PRR14L: variants seen among roughly 807,000 people sequenced by gnomAD.
PRR14L encodes the protein protein PRR14L.
In PRR14L, 80 loss-of-function variants were observed where a neutral mutation model predicts 155.0. That is an observed-to-expected ratio of 0.52 (90% CI 0.43 to 0.62). PRR14L has a LOEUF of 0.62. PRR14L is among the 20% of genes least tolerant of loss of function. The pLI is 0.00. For missense variants in PRR14L, 2,469 were observed against 2,548.0 expected (o/e 0.97, Z 0.67); for synonymous variants, 883 against 916.0 (o/e 0.96, Z 0.65).
chr22:31,714,704 A>G lies in PRR14L; in HGVS notation c.3135T>C (p.Cys1045=), dbSNP rs1569498800. 5 of 1,552,410 alleles carry G rather than the reference A, an allele frequency of 3.2e-6. No homozygotes were observed. In the South Asian group the frequency reaches 4.8e-5, roughly 15 times the overall value. ...LKGAFVKMSG[C]DESTEGMVDI... is the part of the protein sequence containing the mutation. ...CTACCATACCTTCTGTGGACTCATC[A>G]CAACCAGACATCTTGACAAAGGCTC... Residue 1045 remains cysteine (C), a synonymous_variant, in exon 4 of 9, where the codon TGT becomes TGC. Coordinates refer to ENST00000327423, the MANE Select transcript of PRR14L (RefSeq NM_173566.3).
Position 31,726,292 on chromosome 22 carries a change from A to G in PRR14L, c.475-682T>C, listed in dbSNP as rs148689522. On this transcript the variant is annotated intron_variant, in intron 2 of 8. Coordinates refer to ENST00000327423, the MANE Select transcript of PRR14L (RefSeq NM_173566.3). ...ATTACAGGCGCCCACCACTATGCCT[A>G]GCTAATTTTTATATTTTTAGTAGAG... 9.3e-3 allele frequency among the ~76,000 whole-genome samples: 1,404 copies of G among 151,382 alleles called. 16 individuals carry two copies. Among genetic ancestry groups the G allele is most frequent in the Non-Finnish European group, 0.011 (724 of 67,734 alleles).
At chr22:31,726,626 C>T (rs990921957) in intron 2 of PRR14L, among the ~76,000 whole-genome samples, 2 of 152,154 alleles carry the variant, frequency 1.3e-5, no homozygotes, top group Non-Finnish European at 2.9e-5. Flanking sequence ...CTATTCTCTG[C>T]TTTTCCAGTT....
intron 7 of PRR14L, among the ~76,000 whole-genome samples, chr22:31,693,640 G>A (rs1569497268): frequency 6.6e-6 from 1 of 152,148 alleles, no homozygotes; most frequent in Non-Finnish European, 1.5e-5. Context: ...TACGGGACTT[G>A]CCAAACTGTC....
At chr22:31,702,064 A>G (rs1009430751) in intron 6 of PRR14L, among the ~76,000 whole-genome samples, 1 of 152,106 alleles carries the variant, frequency 6.6e-6, no homozygotes, top group Non-Finnish European at 1.5e-5. Context: ...CCTCTGCGGT[A>G]GCTAGGACTA....
At chr22:31,702,749 C>T (rs566976137) in intron 6 of PRR14L, among the ~76,000 whole-genome samples, 156 of 152,204 alleles carry the variant, frequency 1.0e-3, no homozygotes, top group Admixed American at 1.9e-3. Flanking sequence ...CTCCTGACCC[C>T]GGGTGATCCG....
intron 1 of PRR14L, among the ~76,000 whole-genome samples, chr22:31,739,431 A>G (rs896683371): frequency 6.6e-6 from 1 of 152,210 alleles, no homozygotes; most frequent in African/African-American, 2.4e-5. Context: ...GTGGGATTCC[A>G]TTCCTTTACT....
chr22:31,711,145 G>C (rs2074618692), intron 4 of PRR14L, among the ~76,000 whole-genome samples: 1 of 152,130 alleles, frequency 6.6e-6, no homozygotes, highest in African/African-American at 2.4e-5. Flanking sequence ...ACTTGTAATG[G>C]GTGTTTGTTT....
chr22:31,724,979 G>C (rs1700818886), intron 3 of PRR14L, among the ~76,000 whole-genome samples: 1 of 152,146 alleles, frequency 6.6e-6, no homozygotes, highest in Non-Finnish European at 1.5e-5. Context: ...ACAAGAAAAT[G>C]ATACACTACC....
At position 31,712,780 on chromosome 22, in the gene PRR14L, G is replaced by A. The variant is rs1005845756; in HGVS notation, c.5059C>T (p.Pro1687Ser). 2.6e-6 allele frequency: 4 copies of A among 1,551,812 alleles called. No homozygotes were observed. Among genetic ancestry groups the A allele is most frequent in the Non-Finnish European group, 3.5e-6 (4 of 1,147,036 alleles). Residue 1687 changes from proline (P) to serine (S), a missense_variant, in exon 4 of 9, where the codon CCC (proline) becomes TCC (serine). Pro to Ser is a moderately conservative substitution (Grantham distance 74, BLOSUM62 -1). Coordinates refer to ENST00000327423, the MANE Select transcript of PRR14L (RefSeq NM_173566.3). ...GATTCGAGAGAATAAAGTGCCATGG[G>A]CTTACTGTTAGGCCTCTTATCCCAT... ...SGWDKRPNSK[P>S]MALYSLESIK...
rs967967042 is a variant in PRR14L at position 31,716,359 on chromosome 22, T to C, written c.1480A>G (p.Lys494Glu). ...TGGCTCATATTAGTAAAAGTTTCTT[T>C]ATGGTCCTCAGGGTTTGTCAAGTTA... The part of the protein sequence containing the change: ...QGNLTNPEDH[K>E]ETFTNMSHPG... The change falls in exon 4 of 9, where the codon AAA becomes GAA. Residue 494 changes from lysine to glutamate, a missense_variant. By Grantham distance (56) the Lys-to-Glu change is moderately conservative. This residue lies in a region of PRR14L where 2,363 missense variants were observed against 2,371.6 expected (regional missense o/e 1.00). Coordinates refer to ENST00000327423, the MANE Select transcript of PRR14L (RefSeq NM_173566.3). 95 of 1,551,010 alleles carry C rather than the reference T, an allele frequency of 6.1e-5. No individual in the cohort carries two copies. Among genetic ancestry groups the C allele is most frequent in the Non-Finnish European group, 7.7e-5 (88 of 1,146,802 alleles).
Position 31,695,345 on chromosome 22 carries a change from G to A in PRR14L, c.6107+6311C>T, listed in dbSNP as rs910381499. Among the ~76,000 whole-genome samples, 3 of 152,168 alleles carry A rather than the reference G, an allele frequency of 2.0e-5. 1 individual carries two copies. Among genetic ancestry groups the A allele is most frequent in the Non-Finnish European group, 4.4e-5 (3 of 68,026 alleles). On this transcript the variant is annotated intron_variant, in intron 7 of 8. Transcript: ENST00000327423. ...CACAAGGTGTTGGAGGAACAATGCA[G>A]GTGGAAGGGAGCTTCTCTTTCCGGT...
intron 2 of PRR14L, among the ~76,000 whole-genome samples, chr22:31,729,410 G>A (rs763687972): frequency 1.7e-4 from 26 of 151,970 alleles, no homozygotes; most frequent in Non-Finnish European, 3.1e-4. Flanking sequence ...GGCGAGATGG[G>A]GTTTCACCGT....
chr22:31,723,206 G>C (rs1019262351), intron 3 of PRR14L, among the ~76,000 whole-genome samples: 3 of 152,038 alleles, frequency 2.0e-5, no homozygotes, highest in Admixed American at 6.6e-5. Flanking sequence ...TTATCCATGG[G>C]TTTGGGGGAG....
chr22:31,711,706 C>T (rs1255087507), intron 4 of PRR14L, among the ~76,000 whole-genome samples: 2 of 149,194 alleles, frequency 1.3e-5, no homozygotes, highest in Admixed American at 1.4e-4. Context: ...ATCGCTTGAA[C>T]CCGGGAGGCG....
Position 31,738,400 on chromosome 22 carries a change from G to A in PRR14L, c.461C>T (p.Thr154Ile). The A allele has an allele frequency of 6.4e-7, 1 of 1,552,114 alleles. No homozygotes were observed. Among genetic ancestry groups the A allele is most frequent in the Non-Finnish European group, 8.7e-7 (1 of 1,146,948 alleles). Reference protein sequence around the residue: ...HQHSTAAEEKTSPSQEDLLMQ... With the variant: ...HQHSTAAEEKISPSQEDLLMQ... Reference sequence around the variant, plus strand: ...TTCATTTCTTACCTGACTCGGGCTAGTCTTTTCTTCAGCAGCTGTGGAATG... The same window carrying A: ...TTCATTTCTTACCTGACTCGGGCTAATCTTTTCTTCAGCAGCTGTGGAATG... The change falls in exon 2 of 9, where the codon ACT (threonine) becomes ATT (isoleucine). Residue 154 changes from threonine (T) to isoleucine (I), a missense_variant. Physicochemically the swap from Thr to Ile is moderately conservative, Grantham distance 89. Transcript: ENST00000327423.
chr22:31,722,130 C>T (rs994340877), intron 3 of PRR14L, among the ~76,000 whole-genome samples: 5 of 152,044 alleles, frequency 3.3e-5, no homozygotes, highest in South Asian at 2.1e-4. Flanking sequence ...AGATTTTCAT[C>T]GAGAAAACTT....
intron 1 of PRR14L, among the ~76,000 whole-genome samples, chr22:31,741,001 C>T (rs1323031964): frequency 6.6e-6 from 1 of 150,444 alleles, no homozygotes; most frequent in Non-Finnish European, 1.5e-5. Flanking sequence ...CGCCTGTAAT[C>T]CCAGCACTTT....
intron 3 of PRR14L, among the ~76,000 whole-genome samples, chr22:31,723,491 A>G (rs887006077): frequency 3.9e-5 from 6 of 152,192 alleles, no homozygotes; most frequent in Non-Finnish European, 8.8e-5. Context: ...TTCTGTGGTA[A>G]GATGTGGGTG....
intron 3 of PRR14L, among the ~76,000 whole-genome samples, chr22:31,723,149 C>CTA (rs2074700003): frequency 6.6e-6 from 1 of 152,048 alleles, no homozygotes; most frequent in South Asian, 2.1e-4. Flanking sequence ...GCTAAAAACT[C>CTA]TAGTAGAGAT....
Sources: allele counts gnomAD v4.1 joint callset (sites outside exome capture counted in the v4.1 genomes callset), GRCh38; gene constraint gnomAD v4.1.1; regional missense constraint gnomAD v4.1.1; transcripts MANE v1.5; gene names NCBI Gene and HGNC (gene_info 2026-07-23, HGNC 2026-07-21).